TMEM237: variants seen among roughly 807,000 people sequenced by gnomAD.
TMEM237 encodes transmembrane protein 237.
TMEM237 carries 51 observed loss-of-function variants against 59.1 expected under a neutral mutation model. The observed-to-expected ratio is 0.86, with a 90% CI of 0.69 to 1.09. The LOEUF is 1.09. Ranked by LOEUF, TMEM237 falls within the 50% of genes least tolerant of loss-of-function variation. The pLI, the probability that TMEM237 is intolerant of heterozygous loss-of-function variation, is 0.00. For synonymous variants in TMEM237, 140 were observed against 166.1 expected, an observed-to-expected ratio of 0.84 and a Z score of 1.21; for missense variants, 475 against 478.3, an observed-to-expected ratio of 0.99 and a Z score of 0.06.
At chr2:201,632,275 C>G in intron 6 of TMEM237, 67 bp from the exon 7 acceptor site, 2 of 1,553,450 alleles carry the variant, frequency 1.3e-6, no homozygotes, top group South Asian at 2.3e-5. Context: ...ACATAAGGAA[C>G]TAGCTATAAA....
At chr2:201,637,132 A>G (rs527816324) in intron 4 of TMEM237, among the ~76,000 whole-genome samples, 1 of 152,362 alleles carries the variant, frequency 6.6e-6, no homozygotes, top group South Asian at 2.1e-4. Flanking sequence ...AAGAAGAGCA[A>G]AAGACAGGAG....
chr2:201,631,513 T>G (rs1957807557), intron 7 of TMEM237: 2 of 152,644 alleles, frequency 1.3e-5, no homozygotes, highest in South Asian at 4.1e-4. Context: ...TATTTTCTCT[T>G]ATTGTCAATT....
Position 201,629,588 on chromosome 2 carries a change from G to C in TMEM237, c.677+141C>G. Reference sequence around the variant, plus strand: ...ATAGGTAGATCACTCAATTCCAATAGGATGTTTAAAAAATATACCTACCTA... The same window carrying C: ...ATAGGTAGATCACTCAATTCCAATACGATGTTTAAAAAATATACCTACCTA... On this transcript the variant is annotated intron_variant, in intron 8 of 12. Transcript: ENST00000409883. 4 of 1,301,762 alleles carry C rather than the reference G, an allele frequency of 3.1e-6. No individual in the cohort carries two copies. The South Asian group carries it at 6.5e-5, about 21-fold the overall frequency. 80.6% of individuals were successfully genotyped at this position (1,301,762 alleles called of 1,614,324 possible).
At position 201,634,016 on chromosome 2, in the gene TMEM237, G is replaced by A. The variant is rs187584721; in HGVS notation, c.275-585C>T. Among the ~76,000 whole-genome samples the A allele has an allele frequency of 6.8e-4, 104 of 152,302 alleles. No homozygotes were observed. The Middle Eastern group carries it at 0.01, about 15-fold the overall frequency. On this transcript the variant is annotated intron_variant, in intron 5 of 12. Coordinates refer to ENST00000409883, the MANE Select transcript of TMEM237 (RefSeq NM_001044385.3). ...ATACCAAAATTCTGGATGCCCGGAA[G>A]GGAAACAGATGTTCAGCAAAAATCA...
Position 201,628,061 on chromosome 2 carries a change from A to G in TMEM237, c.943+15T>C. 1 of 1,595,666 alleles carries G rather than the reference A, an allele frequency of 6.3e-7. No individual in the cohort carries two copies. Among genetic ancestry groups the G allele is most frequent in the Non-Finnish European group, 8.6e-7 (1 of 1,168,426 alleles). On this transcript the variant is annotated intron_variant, in intron 10 of 12. Transcript: ENST00000409883. ...TGAAGTATTACACAGTTATCATGTT[A>G]AACTGCTTACTCACAGAAAGATGCT... is the stretch of plus-strand genomic sequence containing the variant.
At chr2:201,639,368 G>A (rs1687366047) in intron 3 of TMEM237, among the ~76,000 whole-genome samples, 1 of 152,232 alleles carries the variant, frequency 6.6e-6, no homozygotes, top group South Asian at 2.1e-4. Context: ...TATAGGCTGT[G>A]AGCAGAAGTG....
Position 201,643,217 on chromosome 2 carries a change from G to A in TMEM237, c.42+142C>T. The A allele has an allele frequency of 1.1e-6, 1 of 928,448 alleles. No homozygotes were observed. Among genetic ancestry groups the A allele is most frequent in the Non-Finnish European group, 1.6e-6 (1 of 621,100 alleles). 57.5% of individuals were successfully genotyped at this position (928,448 alleles called of 1,614,324 possible). ...TCCCATTCCTGTGAACACTGGAGGG[G>A]CGGATGCGCGCACCCCACGAGCAAG... On this transcript the variant is annotated intron_variant, in intron 1 of 12. Coordinates refer to ENST00000409883, the MANE Select transcript of TMEM237 (RefSeq NM_001044385.3). This position sits in a 1 kb window ranked among gnomAD's most constrained non-coding sequence, Gnocchi z 4.3.
At chr2:201,639,956 T>C (rs1378063429) in intron 3 of TMEM237, among the ~76,000 whole-genome samples, 2 of 152,230 alleles carry the variant, frequency 1.3e-5, no homozygotes, top group Non-Finnish European at 2.9e-5. Flanking sequence ...TAGTATAGTA[T>C]AACCTTGTCT....
At chr2:201,627,957 A>G in intron 10 of TMEM237, 119 bp downstream of exon 10, 1 of 595,644 alleles carries the variant, frequency 1.7e-6, no homozygotes, top group Non-Finnish European at 2.9e-6. Flanking sequence ...CTGAACATCT[A>G]TAGGTAATGT....
In TMEM237 at chr2:201,643,435, G is replaced by C. The variant is rs527658135; in HGVS notation, c.-35C>G. ...CCCGCGGGGCTGCCCCGGCGCAACC[G>C]CCGGCGGCCCGAGCCCAGCTCCCCG... On this transcript the variant is annotated 5_prime_UTR_variant, in exon 1 of 13. Transcript: ENST00000409883. This position sits in a 1 kb window ranked among gnomAD's most constrained non-coding sequence, Gnocchi z 4.3. 4.7e-6 allele frequency: 7 copies of C among 1,475,272 alleles called. No individual in the cohort carries two copies. Among genetic ancestry groups the C allele is most frequent in the Middle Eastern group, 3.9e-4 (2 of 5,084 alleles). 91.4% of individuals were successfully genotyped at this position (1,475,272 alleles called of 1,614,324 possible). A position where few individuals can be genotyped will look rare whatever the true frequency, so the allele number is the denominator to read the frequency against.
Position 201,637,166 on chromosome 2 carries a change from T to A in TMEM237, c.137-281A>T, listed in dbSNP as rs377396565. The stretch of plus-strand genomic sequence containing the variant: ...AGGAGGAGAAATTGCTTCAGAACAT[T>A]TAGAACTTTGAAAAAGGTGGAAAAC... On this transcript the variant is annotated intron_variant, in intron 4 of 12. Coordinates refer to ENST00000409883, the MANE Select transcript of TMEM237 (RefSeq NM_001044385.3). Among the ~76,000 whole-genome samples, 500 of 152,172 alleles carry A rather than the reference T, an allele frequency of 3.3e-3. 3 individuals are homozygous for A. The highest frequency in any genetic ancestry group is 0.011 in the African/African-American group (462 of 41,530).
chr2:201,627,435 A>T (rs1423236950), intron 10 of TMEM237, 21 bp from the exon 11 acceptor site: 1 of 1,460,808 alleles, frequency 6.8e-7, no homozygotes, highest in Non-Finnish European at 9.3e-7. Context: ...GACAAATGAA[A>T]TTACTAATAA....
rs1028405554 is a variant in TMEM237, at chr2:201,642,345, G to T, written c.42+1014C>A. Among the ~76,000 whole-genome samples the T allele has an allele frequency of 3.3e-5, 5 of 152,264 alleles. No homozygotes were observed. The South Asian group carries it at 1.0e-3, about 32-fold the overall frequency. ...GATTAATGCAAGTACTACAAGATTAGGACGAGGCAAGCTGCCGTAATACCA... is the reference window on the plus strand; with the variant it reads ...GATTAATGCAAGTACTACAAGATTATGACGAGGCAAGCTGCCGTAATACCA... On this transcript the variant is annotated intron_variant, in intron 1 of 12. Transcript: ENST00000409883.
At position 201,643,406 on chromosome 2, in the gene TMEM237, T is replaced by C; in HGVS notation, c.-6A>G. ...GCCCCCGAGTCAGTCCTCATGGTGC[T>C]CTCCCCGCGGGGCTGCCCCGGCGCA... is the stretch of plus-strand genomic sequence containing the variant. On this transcript the variant is annotated 5_prime_UTR_variant, in exon 1 of 13. Coordinates refer to ENST00000409883, the MANE Select transcript of TMEM237 (RefSeq NM_001044385.3). This position sits in a 1 kb window ranked among gnomAD's most constrained non-coding sequence, Gnocchi z 4.3. 3 of 1,523,236 alleles carry C rather than the reference T, an allele frequency of 2.0e-6. No individual in the cohort carries two copies. The highest frequency in any genetic ancestry group is 2.6e-6 in the Non-Finnish European group (3 of 1,134,750). 94.4% of individuals were successfully genotyped at this position (1,523,236 alleles called of 1,614,324 possible).
chr2:201,639,378 G>T (rs1224631523), intron 3 of TMEM237, among the ~76,000 whole-genome samples: 1 of 152,220 alleles, frequency 6.6e-6, no homozygotes, highest in African/African-American at 2.4e-5. Context: ...GAGCAGAAGT[G>T]ATCTGTGTCA....
Position 201,623,642 on chromosome 2 carries a change from T to A in TMEM237, c.*613A>T, listed in dbSNP as rs1957730896. The stretch of plus-strand genomic sequence containing the variant: ...ATATGAGAACCACTAGTACAGATTA[T>A]AATGAGAAGCAACTTTTTAGTTACT... On this transcript the variant is annotated 3_prime_UTR_variant, in exon 13 of 13. Coordinates refer to ENST00000409883, the MANE Select transcript of TMEM237 (RefSeq NM_001044385.3). 6.6e-6 allele frequency: 1 copy of A among 152,424 alleles called. No individual in the cohort carries two copies. The highest frequency in any genetic ancestry group is 2.4e-5 in the African/African-American group (1 of 41,456). 9.4% of individuals were successfully genotyped at this position (152,424 alleles called of 1,614,324 possible). A position where few individuals can be genotyped will look rare whatever the true frequency, so the allele number is the denominator to read the frequency against.
rs759325746 is a variant in TMEM237, at chr2:201,640,932, G to A, written c.43-8C>T. 27 of 1,599,718 alleles carry A rather than the reference G, an allele frequency of 1.7e-5. No individual in the cohort carries two copies. Among genetic ancestry groups the A allele is most frequent in the African/African-American group, 8.1e-5 (6 of 74,460 alleles). ...AAGAGCTCGTGGAGGACGCTGTGGC[G>A]GAAAAAATAAATTTGCTTGTAAGTA... is the stretch of plus-strand genomic sequence containing the variant. On this transcript the variant is annotated splice_polypyrimidine_tract_variant and splice_region_variant and intron_variant, in intron 1 of 12. Coordinates refer to ENST00000409883, the MANE Select transcript of TMEM237 (RefSeq NM_001044385.3).
At chr2:201,628,191 C>T in intron 9 of TMEM237, 42 bp from the exon 10 acceptor site, 1 of 1,364,382 alleles carries the variant, frequency 7.3e-7, no homozygotes, top group Admixed American at 2.0e-5. Context: ...CAGTTGTAAA[C>T]TTAACAAAAC....
At chr2:201,624,358 GT>G in intron 12 of TMEM237, 36 bp from the exon 13 acceptor site, 2 of 1,543,888 alleles carry the variant, frequency 1.3e-6, no homozygotes, top group Non-Finnish European at 1.8e-6. Flanking sequence ...ACTTAAAATT[GT>G]TTCCCAGTAC....
Sources: gnomAD v4.1 joint callset for allele counts (sites outside exome capture counted in the v4.1 genomes callset) on GRCh38, gnomAD v4.1.1 for gene constraint, Gnocchi (gnomAD v3.1) non-coding constraint, MANE v1.5 for transcripts, NCBI Gene and HGNC (gene_info 2026-07-23, HGNC 2026-07-21) for gene names.